SLC2A13: variants seen among roughly 807,000 people sequenced by gnomAD.
The protein encoded by SLC2A13 is solute carrier family 2 member 13.
SLC2A13 carries 32 observed loss-of-function variants against 64.4 expected under a neutral mutation model. The observed-to-expected ratio is 0.50, with a 90% confidence interval of 0.37 to 0.67. The LOEUF is 0.67. Among genes scored for constraint, SLC2A13 ranks in the 30% least tolerant of loss-of-function variants. SLC2A13 has a pLI of 0.00. For synonymous variants in SLC2A13, 338 were observed against 327.1 expected (o/e 1.03, Z -0.36); for missense variants, 743 against 829.2 (o/e 0.90, Z 1.28).
At chr12:39,941,985 GT>G (rs1946035602) in intron 4 of SLC2A13, among the ~76,000 whole-genome samples, 2 of 152,206 alleles carry the variant, frequency 1.3e-5, no homozygotes, top group South Asian at 4.2e-4. Context: ...TCCACTTTAT[GT>G]TTTTGTTTGC....
intron 3 of SLC2A13, among the ~76,000 whole-genome samples, chr12:39,997,251 C>A (rs1947247023): frequency 1.3e-5 from 2 of 152,052 alleles, no homozygotes; most frequent in Admixed American, 1.3e-4. Context: ...AACCAACTGA[C>A]CTTCAACAAA....
At chr12:40,056,092 C>CA (rs1948329868) in intron 1 of SLC2A13, among the ~76,000 whole-genome samples, 1 of 151,092 alleles carries the variant, frequency 6.6e-6, no homozygotes, top group Admixed American at 6.6e-5. Flanking sequence ...CCTTATAGTA[C>CA]AAAATCATTT....
chr12:39,976,760 T>C (rs1035370817), intron 3 of SLC2A13, among the ~76,000 whole-genome samples: 1 of 152,182 alleles, frequency 6.6e-6, no homozygotes, highest in African/African-American at 2.4e-5. Flanking sequence ...AAACTGACTT[T>C]ATTAAATATT....
chr12:40,007,998 TAG>T (rs1194581815), intron 3 of SLC2A13, among the ~76,000 whole-genome samples: 2 of 152,180 alleles, frequency 1.3e-5, no homozygotes, highest in Non-Finnish European at 2.9e-5. Flanking sequence ...ACTTCTGAGG[TAG>T]AGTCTGAGGT....
chr12:39,967,894 A>G (rs967499627), intron 3 of SLC2A13, among the ~76,000 whole-genome samples: 1 of 152,210 alleles, frequency 6.6e-6, no homozygotes, highest in Non-Finnish European at 1.5e-5. Flanking sequence ...TGGTATCTAC[A>G]TAACCTCAAA....
intron 3 of SLC2A13, among the ~76,000 whole-genome samples, chr12:39,995,194 A>G (rs902091925): frequency 1.3e-5 from 2 of 152,250 alleles, no homozygotes; most frequent in Non-Finnish European, 2.9e-5. Context: ...GGGTACGTGT[A>G]GTATTCTGAT....
intron 7 of SLC2A13, among the ~76,000 whole-genome samples, chr12:39,799,790 TACTAAAGCCTGG>T (rs1319996042): frequency 2.0e-4 from 31 of 152,328 alleles, no homozygotes; most frequent in Admixed American, 1.8e-3. Flanking sequence ...ACATTCACAT[TACTAAAGCCTGG>T]CAACTGAGGA....
chr12:40,006,995 C>T (rs1947433410), intron 3 of SLC2A13, among the ~76,000 whole-genome samples: 1 of 152,188 alleles, frequency 6.6e-6, no homozygotes, highest in African/African-American at 2.4e-5. Context: ...GGTCACTAAT[C>T]AGTTTATTTA....
chr12:40,034,476 G>A (rs1947948089), intron 2 of SLC2A13, among the ~76,000 whole-genome samples: 1 of 152,042 alleles, frequency 6.6e-6, no homozygotes, highest in African/African-American at 2.4e-5. Context: ...GGGCTTTCTA[G>A]CAAATTCTCT....
At chr12:39,991,115 C>T (rs150756358) in intron 3 of SLC2A13, among the ~76,000 whole-genome samples, 57 of 152,294 alleles carry the variant, frequency 3.7e-4, no homozygotes, top group African/African-American at 1.1e-3. Context: ...CTTAACTTCA[C>T]GGAGTTCAAC....
At chr12:40,021,561 T>G (rs935972243) in intron 3 of SLC2A13, among the ~76,000 whole-genome samples, 1 of 152,216 alleles carries the variant, frequency 6.6e-6, no homozygotes, top group Non-Finnish European at 1.5e-5. Context: ...CCTAATACTT[T>G]GACAATTTTT....
At chr12:39,840,917 G>A (rs1943162280) in intron 6 of SLC2A13, among the ~76,000 whole-genome samples, 1 of 152,022 alleles carries the variant, frequency 6.6e-6, no homozygotes. Context: ...TAGAAGATTT[G>A]GTAGTTCCCT....
intron 1 of SLC2A13, among the ~76,000 whole-genome samples, chr12:40,097,916 T>C (rs1939006693): frequency 6.6e-6 from 1 of 152,164 alleles, no homozygotes; most frequent in East Asian, 1.9e-4. Context: ...AAGAGATGTA[T>C]GCACTCCCAT....
chr12:40,028,638 T>G (rs1017482652), intron 2 of SLC2A13, 129 bp from the exon 3 acceptor site: 4 of 817,808 alleles, frequency 4.9e-6, no homozygotes, highest in Non-Finnish European at 7.5e-6. Flanking sequence ...TTTGTGCATT[T>G]ATGTGTGTGT....
intron 7 of SLC2A13, chr12:39,788,768 CA>C (rs1231196338): frequency 1.3e-5 from 2 of 152,080 alleles, no homozygotes; most frequent in African/African-American, 4.8e-5. Flanking sequence ...TTGATAGGCA[CA>C]ATTAACAGAA....
At chr12:40,073,002 C>A (rs931353487) in intron 1 of SLC2A13, among the ~76,000 whole-genome samples, 1 of 152,066 alleles carries the variant, frequency 6.6e-6, no homozygotes, top group African/African-American at 2.4e-5. Flanking sequence ...TCCTTTCTCA[C>A]CACATTGGTT....
chr12:39,874,615 C>CAAAAAA (rs11287868), intron 4 of SLC2A13, among the ~76,000 whole-genome samples: 3 of 101,116 alleles, frequency 3.0e-5, no homozygotes, highest in Non-Finnish European at 2.0e-5. Flanking sequence ...AACTCCATCT[C>CAAAAAA]AAAAAAAAAA....
intron 1 of SLC2A13, among the ~76,000 whole-genome samples, chr12:40,086,857 G>A (rs1466518867): frequency 1.3e-5 from 2 of 152,182 alleles, no homozygotes; most frequent in African/African-American, 4.8e-5. Flanking sequence ...TGGGAGACCT[G>A]TCAAGCTCAT....
intron 2 of SLC2A13, among the ~76,000 whole-genome samples, chr12:40,042,172 C>T (rs1051866633): frequency 6.6e-6 from 1 of 152,046 alleles, no homozygotes; most frequent in African/African-American, 2.4e-5. Flanking sequence ...ATGAAAATGA[C>T]TAGCACAACC....
Sources: allele counts gnomAD v4.1 joint callset (sites outside exome capture counted in the v4.1 genomes callset), GRCh38; gene constraint gnomAD v4.1.1; transcripts MANE v1.5; gene names NCBI Gene and HGNC (gene_info 2026-07-23, HGNC 2026-07-21).